RARB: variants seen among roughly 807,000 people sequenced by gnomAD.
RARB encodes retinoic acid receptor beta, also known as HBV-activated protein.
In RARB, 17 loss-of-function variants were observed where a neutral mutation model predicts 51.9. The ratio of observed to expected loss-of-function variants is 0.33; its 90% CI spans 0.22 to 0.49. RARB has a LOEUF of 0.49. Among genes scored for constraint, RARB ranks in the 20% least tolerant of loss-of-function variants. RARB has a pLI of 0.99. For synonymous variants in RARB, 215 were observed against 195.4 expected (o/e 1.10, Z -0.84); for missense variants, 369 against 550.8 (o/e 0.67, Z 3.30).
chr3:24,972,415 C>T (rs1262447245), intron 2 of RARB, among the ~76,000 whole-genome samples: 4 of 152,012 alleles, frequency 2.6e-5, no homozygotes, highest in East Asian at 1.9e-4. Flanking sequence ...GTTGATTTCA[C>T]ATTTTAGCTC....
intron 2 of RARB, among the ~76,000 whole-genome samples, chr3:24,945,915 A>G (rs531946840): frequency 7.5e-4 from 114 of 152,254 alleles, no homozygotes; most frequent in Non-Finnish European, 1.5e-3. Context: ...TATCTACCAC[A>G]TGTTCTCTTT....
chr3:25,578,620 G>A (rs974394092), intron 4 of RARB, among the ~76,000 whole-genome samples: 1 of 152,156 alleles, frequency 6.6e-6, no homozygotes, highest in African/African-American at 2.4e-5. Flanking sequence ...CACACATCTT[G>A]ATCTCATGTT....
intron 4 of RARB, among the ~76,000 whole-genome samples, chr3:25,137,885 G>A (rs13076408): frequency 0.12 from 18,660 of 152,076 alleles, 1,523 homozygotes; most frequent in South Asian, 0.28. Context: ...AAGGCAAGAG[G>A]TAGTTGAGTT....
chr3:24,980,531 G>C (rs558431081), intron 2 of RARB, among the ~76,000 whole-genome samples: 1 of 151,920 alleles, frequency 6.6e-6, no homozygotes, highest in East Asian at 1.9e-4. Context: ...GATCAAATTC[G>C]ATCCTTTCTT....
intron 3 of RARB, among the ~76,000 whole-genome samples, chr3:25,123,711 C>A (rs563171820): frequency 1.3e-5 from 2 of 152,212 alleles, no homozygotes; most frequent in East Asian, 3.9e-4. Context: ...CAGCTCACAC[C>A]CAGTATTATT....
At chr3:25,059,098 C>T (rs939738026) in intron 2 of RARB, among the ~76,000 whole-genome samples, 8 of 151,668 alleles carry the variant, frequency 5.3e-5, no homozygotes, top group African/African-American at 1.9e-4. Context: ...CATTATTTTA[C>T]AATCATTTTC....
intron 2 of RARB, among the ~76,000 whole-genome samples, chr3:24,957,392 T>G (rs2125409130): frequency 6.6e-6 from 1 of 152,298 alleles, no homozygotes; most frequent in South Asian, 2.1e-4. Context: ...GGGGTCTTAC[T>G]TGGAACCCTA....
At position 25,473,318 on chromosome 3, in the gene RARB, T is replaced by A. The variant is rs1217103238; in HGVS notation, c.306+11977T>A. ...GAACTCATCCCTGAAAAAAAAAAAA[T>A]AGAGGGAAATAAAACTCTGTGTGCA... On this transcript the variant is annotated intron_variant, in intron 2 of 7. Transcript: ENST00000330688. Among the ~76,000 whole-genome samples the A allele has an allele frequency of 3.4e-5, 5 of 148,794 alleles. No homozygotes were observed. The East Asian group carries it at 7.8e-4, about 23-fold the overall frequency.
intron 2 of RARB, among the ~76,000 whole-genome samples, chr3:25,500,268 CAT>C (rs1290384300): frequency 6.6e-6 from 1 of 152,034 alleles, no homozygotes; most frequent in African/African-American, 2.4e-5. Context: ...TGTTGGACGA[CAT>C]AGCTCTAACA....
chr3:25,402,279 T>G (rs1707284687), intron 5 of RARB, among the ~76,000 whole-genome samples: 1 of 152,204 alleles, frequency 6.6e-6, no homozygotes, highest in Non-Finnish European at 1.5e-5. Context: ...GTTGATGGTT[T>G]AGAAGTGAAG....
intron 5 of RARB, among the ~76,000 whole-genome samples, chr3:25,204,444 C>T (rs1013085875): frequency 3.9e-5 from 6 of 152,240 alleles, no homozygotes; most frequent in African/African-American, 1.2e-4. Context: ...TATTCTCCGT[C>T]CACCTTTGTT....
intron 5 of RARB, among the ~76,000 whole-genome samples, chr3:25,322,537 C>G (rs1448531815): frequency 6.6e-6 from 1 of 152,064 alleles, no homozygotes; most frequent in African/African-American, 2.4e-5. Flanking sequence ...TTTAATTTCT[C>G]CAAATAGATC....
intron 2 of RARB, among the ~76,000 whole-genome samples, chr3:24,983,098 G>A (rs1313415595): frequency 1.3e-5 from 2 of 152,084 alleles, no homozygotes; most frequent in African/African-American, 2.4e-5. Flanking sequence ...GTCACTGATA[G>A]TAGAGCCACT....
At chr3:25,365,019 T>C (rs1016787) in intron 5 of RARB, among the ~76,000 whole-genome samples, 64,684 of 151,782 alleles carry the variant, frequency 0.43, 14,292 homozygotes, top group East Asian at 0.75. Flanking sequence ...AAGTTTTCAA[T>C]TGATGCTTTG....
At chr3:24,992,589 A>C (rs192512558) in intron 2 of RARB, among the ~76,000 whole-genome samples, 1 of 152,348 alleles carries the variant, frequency 6.6e-6, no homozygotes, top group Non-Finnish European at 1.5e-5. Context: ...TAAATGGCAG[A>C]AAAGTGTTTT....
At chr3:24,987,534 T>C (rs1696819792) in intron 2 of RARB, among the ~76,000 whole-genome samples, 1 of 152,270 alleles carries the variant, frequency 6.6e-6, no homozygotes. Flanking sequence ...TGTTATATTA[T>C]TCACTTGCCT....
At chr3:25,020,097 A>G (rs1697596293) in intron 2 of RARB, 1 of 148,744 alleles carries the variant, frequency 6.7e-6, no homozygotes, top group African/African-American at 2.5e-5. Flanking sequence ...ATGTATACTC[A>G]AGTTCTCTAT....
At chr3:25,257,088 A>G (rs1360053793) in intron 5 of RARB, among the ~76,000 whole-genome samples, 1 of 152,184 alleles carries the variant, frequency 6.6e-6, no homozygotes, top group African/African-American at 2.4e-5. Context: ...TTTAAAGAAC[A>G]TCTGCCCCTG....
chr3:24,999,966 ACTT>A (rs1448428821), intron 2 of RARB, among the ~76,000 whole-genome samples: 2 of 146,892 alleles, frequency 1.4e-5, no homozygotes, highest in Non-Finnish European at 3.0e-5. Context: ...AAATATTTTG[ACTT>A]CTTCTTGAAT....
Sources: gnomAD v4.1 joint callset for allele counts (sites outside exome capture counted in the v4.1 genomes callset) on GRCh38, gnomAD v4.1.1 for gene constraint, MANE v1.5 for transcripts, NCBI Gene and HGNC (gene_info 2026-07-23, HGNC 2026-07-21) for gene names.